The following CTNNA3 variants were observed in gnomAD, a reference collection of about 807,000 sequenced individuals.
The protein encoded by CTNNA3 is catenin alpha 3, also known as catenin alpha-3.
A neutral mutation model predicts 95.7 loss-of-function variants in CTNNA3; 76 were observed. The observed-to-expected ratio is 0.79, with a 90% CI of 0.66 to 0.96. The LOEUF (loss-of-function observed/expected upper bound fraction) is 0.96, where lower values mean the gene tolerates loss of function less well. CTNNA3 is among the 40% of genes least tolerant of loss of function. The pLI is 0.00. For synonymous variants in CTNNA3, 431 were observed against 374.4 expected, an observed-to-expected ratio of 1.15 and a Z score of -1.74; for missense variants, 1,191 against 1,089.8, an observed-to-expected ratio of 1.09 and a Z score of -1.31.
intron 11 of CTNNA3, among the ~76,000 whole-genome samples, chr10:66,480,114 C>G (rs535435671): frequency 6.6e-6 from 1 of 152,208 alleles, no homozygotes. Flanking sequence ...GAAAATAGAT[C>G]TGTTTCAAGA....
intron 9 of CTNNA3, among the ~76,000 whole-genome samples, chr10:66,753,098 A>T (rs868817768): frequency 7.2e-5 from 11 of 152,148 alleles, no homozygotes; most frequent in African/African-American, 2.7e-4. Context: ...TGGAGCACAT[A>T]TACTTTTTCC....
chr10:67,200,421 C>T (rs1305381720), intron 6 of CTNNA3, among the ~76,000 whole-genome samples: 1 of 152,142 alleles, frequency 6.6e-6, no homozygotes, highest in African/African-American at 2.4e-5. Flanking sequence ...CTAAAGAAGG[C>T]ATAAAATTCC....
chr10:67,620,822 A>G, intron 2 of CTNNA3, among the ~76,000 whole-genome samples: 1 of 151,788 alleles, frequency 6.6e-6, no homozygotes, highest in Non-Finnish European at 1.5e-5. Context: ...ACTCATCTGA[A>G]AAACCACATT....
chr10:67,462,404 G>A (rs554927868), intron 5 of CTNNA3, among the ~76,000 whole-genome samples: 14 of 152,184 alleles, frequency 9.2e-5, no homozygotes, highest in Non-Finnish European at 1.8e-4. Flanking sequence ...ACAGTTATCT[G>A]AATCTGTAAG....
chr10:66,770,007 T>A (rs999230345), intron 8 of CTNNA3, among the ~76,000 whole-genome samples: 1 of 152,212 alleles, frequency 6.6e-6, no homozygotes, highest in Non-Finnish European at 1.5e-5. Flanking sequence ...TGTTTGATCA[T>A]GCACCAAGTA....
chr10:65,976,702 G>C (rs2078212994), intron 16 of CTNNA3, among the ~76,000 whole-genome samples: 1 of 152,096 alleles, frequency 6.6e-6, no homozygotes, highest in Non-Finnish European at 1.5e-5. Context: ...TGCTCACTTA[G>C]AAGCAGAATC....
intron 15 of CTNNA3, among the ~76,000 whole-genome samples, chr10:66,013,604 A>C (rs2079044166): frequency 6.6e-6 from 1 of 152,338 alleles, no homozygotes; most frequent in East Asian, 1.9e-4. Context: ...GATGTCAATG[A>C]AAACCTTTTA....
intron 13 of CTNNA3, among the ~76,000 whole-genome samples, chr10:66,212,828 A>T (rs2088257683): frequency 6.6e-6 from 1 of 152,138 alleles, no homozygotes. Flanking sequence ...ACATGGCGAA[A>T]CCCCATCTCT....
intron 1 of CTNNA3, among the ~76,000 whole-genome samples, chr10:67,695,524 G>A (rs1840947879): frequency 6.6e-6 from 1 of 152,124 alleles, no homozygotes; most frequent in African/African-American, 2.4e-5. Flanking sequence ...AAAACAAATA[G>A]ACATTAAATT....
intron 13 of CTNNA3, among the ~76,000 whole-genome samples, chr10:66,113,366 C>T (rs2082191473): frequency 6.6e-6 from 1 of 152,088 alleles, no homozygotes; most frequent in African/African-American, 2.4e-5. Context: ...TACGAATAAG[C>T]ACACCTACTA....
At chr10:67,642,404 A>G (rs935461412) in intron 2 of CTNNA3, among the ~76,000 whole-genome samples, 2 of 152,150 alleles carry the variant, frequency 1.3e-5, no homozygotes, top group African/African-American at 2.4e-5. Context: ...GAAGACATAC[A>G]TGCGGCCAAT....
intron 10 of CTNNA3, among the ~76,000 whole-genome samples, chr10:66,556,196 C>CA (rs1165717659): frequency 2.0e-5 from 3 of 151,662 alleles, no homozygotes; most frequent in African/African-American, 7.3e-5. Context: ...GAATATTATA[C>CA]AAAAAATGAA....
intron 5 of CTNNA3, among the ~76,000 whole-genome samples, chr10:67,286,002 G>T (rs1353214749): frequency 6.6e-6 from 1 of 152,098 alleles, no homozygotes; most frequent in Non-Finnish European, 1.5e-5. Context: ...CAGCTGTTTG[G>T]GGCTGCTTTG....
intron 7 of CTNNA3, among the ~76,000 whole-genome samples, chr10:67,018,713 G>A (rs1009819378): frequency 2.8e-4 from 42 of 152,128 alleles, no homozygotes; most frequent in African/African-American, 1.0e-3. Context: ...TTCCTCATAT[G>A]CAAAATGAGA....
rs189164310 is a variant in CTNNA3, at chr10:66,602,393, T to C, written c.1374+19299A>G. Among the ~76,000 whole-genome samples, 161 of 152,104 alleles carry C rather than the reference T, an allele frequency of 1.1e-3. 5 individuals carry two copies. Among genetic ancestry groups the C allele is most frequent in the Admixed American group, 8.7e-3 (133 of 15,278 alleles). On this transcript the variant is annotated intron_variant, in intron 10 of 17. Transcript: ENST00000433211. ...TTTAAAGCTTTTTTTAAAAAAACTG[T>C]TTATGTATTTAAGGTTAATCTAAGT... is the stretch of plus-strand genomic sequence containing the variant.
chr10:67,337,366 C>A (rs78415128), intron 5 of CTNNA3, among the ~76,000 whole-genome samples: 2,719 of 152,228 alleles, frequency 0.018, 86 homozygotes, highest in African/African-American at 0.06. Flanking sequence ...GTAATTGCTG[C>A]AATCTCATGA....
At chr10:66,911,866 A>G (rs912483608) in intron 7 of CTNNA3, among the ~76,000 whole-genome samples, 13 of 152,192 alleles carry the variant, frequency 8.5e-5, no homozygotes, top group Non-Finnish European at 5.9e-5. Context: ...AAAATATATA[A>G]AGCCTAAGAA....
intron 7 of CTNNA3, among the ~76,000 whole-genome samples, chr10:67,134,999 C>T (rs1860223835): frequency 6.6e-6 from 1 of 151,930 alleles, no homozygotes; most frequent in African/African-American, 2.4e-5. Context: ...CAGGATAGAG[C>T]TATCTTTTAA....
intron 5 of CTNNA3, among the ~76,000 whole-genome samples, chr10:67,405,953 G>C (rs2061677715): frequency 6.6e-6 from 1 of 152,128 alleles, no homozygotes; most frequent in African/African-American, 2.4e-5. Context: ...ATCTCCTCTT[G>C]AATTGTACTT....
Sources: allele counts gnomAD v4.1 joint callset (sites outside exome capture counted in the v4.1 genomes callset), GRCh38; gene constraint gnomAD v4.1.1; transcripts MANE v1.5; gene names NCBI Gene and HGNC (gene_info 2026-07-23, HGNC 2026-07-21).